MYO19: variants seen among roughly 807,000 people sequenced by gnomAD.
MYO19 encodes unconventional myosin-XIX.
A neutral mutation model predicts 129.2 loss-of-function variants in MYO19; 132 were observed. That is an observed-to-expected ratio of 1.02 (90% confidence interval 0.89 to 1.18). MYO19 has a LOEUF of 1.18. MYO19 is among the 50% of genes most tolerant of loss of function. MYO19 has a pLI of 0.00. For missense variants in MYO19, 1,210 were observed against 1,216.7 expected (o/e 0.99, Z 0.08); for synonymous variants, 531 against 477.2 (o/e 1.11, Z -1.47).
In MYO19 at chr17:36,532,699, AGAC is replaced by A; in HGVS notation, c.-143-21_-143-19del. 1.2e-6 allele frequency: 1 copy of A among 834,888 alleles called. No individual in the cohort carries two copies. The highest frequency in any genetic ancestry group is 1.9e-6 in the Non-Finnish European group (1 of 514,936). 51.7% of individuals were successfully genotyped at this position (834,888 alleles called of 1,614,324 possible). Reference sequence around the variant, plus strand: ...TCCAGCGCCTGTGGCATGAGAGAGAAGACAAGGACCACACACAGGTGAGGGCTT... The same window carrying A: ...TCCAGCGCCTGTGGCATGAGAGAGAAAAGGACCACACACAGGTGAGGGCTT... On this transcript the variant is annotated intron_variant, in intron 2 of 25. Coordinates refer to ENST00000614623, the MANE Select transcript of MYO19 (RefSeq NM_001163735.2).
chr17:36,525,445 G>A, intron 5 of MYO19, 104 bp from the exon 6 acceptor site: 1 of 843,314 alleles, frequency 1.2e-6, no homozygotes, highest in Non-Finnish European at 1.9e-6. Flanking sequence ...AGCAGTGGTG[G>A]GATGCTTCCT....
chr17:36,532,772 C>T (rs554580171), intron 2 of MYO19, 91 bp from the exon 3 acceptor site: 1 of 595,440 alleles, frequency 1.7e-6, no homozygotes, highest in Non-Finnish European at 3.0e-6. Flanking sequence ...CAGAAGCAAC[C>T]AAAATGAGAT....
chr17:36,536,093 A>C (rs1375003361), upstream of MYO19, among the ~76,000 whole-genome samples: 1 of 152,192 alleles, frequency 6.6e-6, no homozygotes, highest in Non-Finnish European at 1.5e-5. Flanking sequence ...CGTTTTTCAG[A>C]CAATGATGTG....
intron 25 of MYO19, among the ~76,000 whole-genome samples, chr17:36,497,347 T>C (rs1355084576): frequency 6.7e-6 from 1 of 149,004 alleles, no homozygotes; most frequent in Admixed American, 6.7e-5. Flanking sequence ...CACAGAGAAC[T>C]TGGACCACTG....
chr17:36,516,738 T>A (rs1436001370), intron 6 of MYO19, among the ~76,000 whole-genome samples: 1 of 152,244 alleles, frequency 6.6e-6, no homozygotes, highest in African/African-American at 2.4e-5. Flanking sequence ...CATTTTAACT[T>A]CTAATTGTTT....
intron 1 of MYO19, chr17:36,543,046 CAAGATTCTCT>C (rs2074205719): frequency 6.6e-6 from 1 of 152,036 alleles, no homozygotes; most frequent in Non-Finnish European, 1.5e-5. Flanking sequence ...ACATAAAACG[CAAGATTCTCT>C]AAAAATGTCC....
In MYO19 at chr17:36,522,028, T is replaced by TCAAAAA. The variant is rs1567777190; in HGVS notation, c.414+3199_414+3200insTTTTTG. On this transcript the variant is annotated intron_variant, in intron 6 of 25. Coordinates refer to ENST00000614623, the MANE Select transcript of MYO19 (RefSeq NM_001163735.2). ...CCTGGCAACAGAGCAAGACTGTCTTTAAAAAAAAAAAAAAAAAAAGAAAAG... is the reference window on the plus strand; with the variant it reads ...CCTGGCAACAGAGCAAGACTGTCTTTCAAAAAAAAAAAAAAAAAAAAAAAAGAAAAG... 4.3e-5 allele frequency among the ~76,000 whole-genome samples: 5 copies of TCAAAAA among 115,280 alleles called. 1 individual carries two copies. Among genetic ancestry groups the TCAAAAA allele is most frequent in the Admixed American group, 9.2e-5 (1 of 10,860 alleles). The allele number at this position is 115,280 out of a possible 152,430, so 75.6% of individuals were successfully genotyped here.
At chr17:36,522,974 C>G (rs1164203888) in intron 6 of MYO19, among the ~76,000 whole-genome samples, 1 of 150,870 alleles carries the variant, frequency 6.6e-6, no homozygotes, top group African/African-American at 2.4e-5. Flanking sequence ...CCACTGCACT[C>G]CAGCCTGGGC....
At chr17:36,509,369 T>C in intron 13 of MYO19, 1 of 581,414 alleles carries the variant, frequency 1.7e-6, no homozygotes, top group Non-Finnish European at 3.1e-6. Context: ...CATGTCCTTA[T>C]GGGAAGACTG....
chr17:36,495,983 C>T lies in MYO19; in HGVS notation c.*268G>A. 1.2e-6 allele frequency: 1 copy of T among 826,778 alleles called. No homozygotes were observed. Among genetic ancestry groups the T allele is most frequent in the Non-Finnish European group, 1.7e-6 (1 of 594,776 alleles). The allele number at this position is 826,778 out of a possible 1,614,324, so 51.2% of individuals were successfully genotyped here. On this transcript the variant is annotated 3_prime_UTR_variant, in exon 26 of 26. Transcript: ENST00000614623. ...AGTCATGACTGCTGCTGAGTTTGAT[C>T]TGTGAAGGTAGTGAAATGTGGCCCT...
chr17:36,538,501 A>G (rs998703342), upstream of MYO19: 4 of 1,614,084 alleles, frequency 2.5e-6, no homozygotes, highest in Non-Finnish European at 3.4e-6. Context: ...CTGATGGTAG[A>G]TACATTACAC....
chr17:36,505,453 G>T, intron 18 of MYO19, 49 bp from the exon 19 acceptor site: 1 of 1,405,750 alleles, frequency 7.1e-7, no homozygotes. Flanking sequence ...GCTGCCCAGG[G>T]CCATCAACTG....
intron 6 of MYO19, 30 bp from the exon 7 acceptor site, chr17:36,516,020 T>C (rs370068245): frequency 1.3e-6 from 2 of 1,590,388 alleles, no homozygotes; most frequent in African/African-American, 1.3e-5. Context: ...GTGGGAGCTG[T>C]ATCTATGCTC....
At chr17:36,543,109 T>C (rs1199312599) in intron 1 of MYO19, 3 of 152,202 alleles carry the variant, frequency 2.0e-5, no homozygotes, top group Admixed American at 6.5e-5. Context: ...ACGTATTAGA[T>C]TCAAGCTAAT....
At chr17:36,529,311 C>T (rs1172952717) in intron 3 of MYO19, among the ~76,000 whole-genome samples, 2 of 152,120 alleles carry the variant, frequency 1.3e-5, no homozygotes, top group South Asian at 2.1e-4. Flanking sequence ...AGGCATGAGT[C>T]ACCCTATCTT....
At chr17:36,514,376 TG>T in intron 9 of MYO19, 69 bp downstream of exon 9, 4 of 973,246 alleles carry the variant, frequency 4.1e-6, no homozygotes, top group Non-Finnish European at 6.7e-6. Flanking sequence ...TTCTGGGGAG[TG>T]GGGGGTTGAA....
intron 16 of MYO19, 96 bp downstream of exon 16, chr17:36,507,300 GGGA>G: frequency 1.4e-6 from 2 of 1,426,714 alleles, no homozygotes; most frequent in South Asian, 1.2e-5. Context: ...TTGGCAGACT[GGGA>G]GGAGAGAGGC....
intron 6 of MYO19, among the ~76,000 whole-genome samples, chr17:36,524,523 TC>T (rs1402009923): frequency 6.6e-6 from 1 of 152,184 alleles, no homozygotes; most frequent in Admixed American, 6.5e-5. Flanking sequence ...GCTGTGCAAC[TC>T]CCCACTCATC....
intron 3 of MYO19, among the ~76,000 whole-genome samples, chr17:36,528,403 C>T (rs1464160422): frequency 1.3e-5 from 2 of 151,668 alleles, no homozygotes; most frequent in South Asian, 2.1e-4. Context: ...CCCAGCTACT[C>T]GGAAGGCTGA....
Sources: gnomAD v4.1 joint callset for allele counts (sites outside exome capture counted in the v4.1 genomes callset) on GRCh38, gnomAD v4.1.1 for gene constraint, MANE v1.5 for transcripts, NCBI Gene and HGNC (gene_info 2026-07-23, HGNC 2026-07-21) for gene names.